RPSA2: variants seen among roughly 807,000 people sequenced by gnomAD.
RPSA2 encodes the protein small ribosomal subunit protein uS2B.
chr19:23,770,003 G>A, the RPSA2 span, among the ~76,000 whole-genome samples: 1 of 152,216 alleles, frequency 6.6e-6, no homozygotes, highest in Non-Finnish European at 1.5e-5. Flanking sequence ...GCACCTAGGT[G>A]ATGTGACTCT....
chr19:23,858,435 G>C, the RPSA2 span, among the ~76,000 whole-genome samples: 7 of 152,162 alleles, frequency 4.6e-5, no homozygotes, highest in Admixed American at 1.3e-4. Flanking sequence ...AGAGTTTGCT[G>C]TCTTGCTTAT....
the RPSA2 span, among the ~76,000 whole-genome samples, chr19:23,800,129 A>G: frequency 6.6e-6 from 1 of 151,170 alleles, no homozygotes; most frequent in East Asian, 1.9e-4. Context: ...GTCAGGTTCA[A>G]GTGATTCTCC....
At chr19:23,860,453 C>A in the RPSA2 span, among the ~76,000 whole-genome samples, 1 of 152,174 alleles carries the variant, frequency 6.6e-6, no homozygotes, top group East Asian at 1.9e-4. Context: ...CTTTCCACTG[C>A]AGCTTCTCAC....
At chr19:23,848,791 T>C in the RPSA2 span, among the ~76,000 whole-genome samples, 1 of 152,214 alleles carries the variant, frequency 6.6e-6, no homozygotes, top group Non-Finnish European at 1.5e-5. Flanking sequence ...ATTGATGCCT[T>C]GTTGAGAATT....
the RPSA2 span, among the ~76,000 whole-genome samples, chr19:23,774,643 C>T: frequency 5.3e-5 from 8 of 152,174 alleles, no homozygotes; most frequent in Admixed American, 3.3e-4. Context: ...TCTCCTTTTA[C>T]ACAAGGCTTC....
At chr19:23,811,169 C>T in the RPSA2 span, among the ~76,000 whole-genome samples, 2 of 151,736 alleles carry the variant, frequency 1.3e-5, no homozygotes, top group East Asian at 3.9e-4. Context: ...CAGGTGCCCG[C>T]CACCACCCAG....
At chr19:23,867,931 C>A in the RPSA2 span, among the ~76,000 whole-genome samples, 1 of 151,822 alleles carries the variant, frequency 6.6e-6, no homozygotes. Context: ...GGCTTAGTGA[C>A]AAACCTGTGT....
the RPSA2 span, among the ~76,000 whole-genome samples, chr19:23,788,529 G>A: frequency 1.3e-5 from 2 of 152,214 alleles, no homozygotes; most frequent in East Asian, 3.9e-4. Context: ...ATATAGCTGG[G>A]TCTGCCACCC....
At chr19:23,865,064 G>A in the RPSA2 span, among the ~76,000 whole-genome samples, 1 of 152,176 alleles carries the variant, frequency 6.6e-6, no homozygotes, top group Non-Finnish European at 1.5e-5. Flanking sequence ...GCAAAGTGGT[G>A]TCATGAATAG....
At chr19:23,806,784 CAAAA>C in the RPSA2 span, among the ~76,000 whole-genome samples, 4 of 71,356 alleles carry the variant, frequency 5.6e-5, no homozygotes, top group Admixed American at 1.7e-4. Context: ...GACTGAGTCT[CAAAA>C]AAAAAAAAAA....
chr19:23,767,942 T>C, the RPSA2 span, among the ~76,000 whole-genome samples: 1 of 151,920 alleles, frequency 6.6e-6, no homozygotes, highest in Non-Finnish European at 1.5e-5. Flanking sequence ...AATTTTTCTA[T>C]TTTTAGTAGA....
At chr19:23,820,232 G>A in the RPSA2 span, among the ~76,000 whole-genome samples, 1 of 152,206 alleles carries the variant, frequency 6.6e-6, no homozygotes, top group African/African-American at 2.4e-5. Flanking sequence ...TGGCTCATGT[G>A]ATGGCAGTGA....
the RPSA2 span, among the ~76,000 whole-genome samples, chr19:23,798,658 C>T: frequency 6.6e-6 from 1 of 151,840 alleles, no homozygotes; most frequent in African/African-American, 2.4e-5. Flanking sequence ...TTCCTACTTA[C>T]ATATTTATAT....
At chr19:23,804,294 C>CTT in the RPSA2 span, among the ~76,000 whole-genome samples, 324 of 142,386 alleles carry the variant, frequency 2.3e-3, 5 homozygotes, top group East Asian at 2.5e-3. Context: ...CCTCATTTTT[C>CTT]TTTTTCTTTT....
the RPSA2 span, among the ~76,000 whole-genome samples, chr19:23,836,217 C>T: frequency 0.016 from 2,365 of 152,230 alleles, 79 homozygotes; most frequent in African/African-American, 0.053. Context: ...TCATAGCTTA[C>T]CTCCCACATA....
At chr19:23,802,402 A>G in the RPSA2 span, among the ~76,000 whole-genome samples, 2 of 152,220 alleles carry the variant, frequency 1.3e-5, no homozygotes, top group Non-Finnish European at 2.9e-5. Context: ...TTTTCTTTTT[A>G]GAATCAGCCT....
chr19:23,795,775 G>GT, the RPSA2 span, among the ~76,000 whole-genome samples: 6 of 152,052 alleles, frequency 3.9e-5, no homozygotes, highest in Non-Finnish European at 5.9e-5. Flanking sequence ...CTTCAAGCTT[G>GT]TTTTTTTCCT....
At chr19:23,869,153 G>A in the RPSA2 span, among the ~76,000 whole-genome samples, 5 of 152,214 alleles carry the variant, frequency 3.3e-5, no homozygotes, top group South Asian at 2.1e-4. Flanking sequence ...GAGATCTATC[G>A]TGATCAGGGA....
chr19:23,851,295 G>A, the RPSA2 span, among the ~76,000 whole-genome samples: 1 of 152,192 alleles, frequency 6.6e-6, no homozygotes, highest in African/African-American at 2.4e-5. Context: ...TGGACAGTAA[G>A]CTTAGCCTCT....
Sources: gnomAD v4.1 joint callset for allele counts (sites outside exome capture counted in the v4.1 genomes callset) on GRCh38, gnomAD v4.1.1 for gene constraint, MANE v1.5 for transcripts, NCBI Gene and HGNC (gene_info 2026-07-23, HGNC 2026-07-21) for gene names.